The following IL1RAP variants were observed in gnomAD, a reference collection of about 807,000 sequenced individuals.
IL1RAP encodes interleukin-1 receptor accessory protein.
In IL1RAP, 35 loss-of-function variants were observed where a neutral mutation model predicts 60.7. The ratio of observed to expected loss-of-function variants is 0.58; its 90% CI spans 0.44 to 0.76. The LOEUF is 0.76. Among genes scored for constraint, IL1RAP ranks in the 30% least tolerant of loss-of-function variants. IL1RAP has a pLI of 0.00. For synonymous variants in IL1RAP, 268 were observed against 250.9 expected (o/e 1.07, Z -0.64); for missense variants, 572 against 693.9 (o/e 0.82, Z 1.97).
intron 9 of IL1RAP, among the ~76,000 whole-genome samples, chr3:190,634,437 C>A (rs1181450125): frequency 6.6e-6 from 1 of 151,536 alleles, no homozygotes; most frequent in Admixed American, 6.6e-5. Context: ...TAGAGGCACC[C>A]GCCACCATAC....
chr3:190,649,660 C>G lies in IL1RAP; in HGVS notation c.*955C>G. The G allele has an allele frequency of 1.0e-6, 1 of 985,818 alleles. No homozygotes were observed. The highest frequency in any genetic ancestry group is 1.2e-6 in the Non-Finnish European group (1 of 829,908). 61.1% of individuals were successfully genotyped at this position (985,818 alleles called of 1,614,324 possible). A position where few individuals can be genotyped will look rare whatever the true frequency, so the allele number is the denominator to read the frequency against. The stretch of plus-strand genomic sequence containing the variant: ...GAATACTGGGAAAGTGATTTTTTCT[C>G]ACTCGTTTTTGTTGCTCCATTGTAA... On this transcript the variant is annotated 3_prime_UTR_variant, in exon 12 of 12. Transcript: ENST00000447382.
chr3:190,529,274 C>T (rs546424247), intron 1 of IL1RAP, among the ~76,000 whole-genome samples: 45 of 152,220 alleles, frequency 3.0e-4, no homozygotes, highest in Non-Finnish European at 5.0e-4. Context: ...CGCAGTGGCT[C>T]AGCCTGTAAT....
At chr3:190,613,283 G>A (rs1730980222) in intron 5 of IL1RAP, among the ~76,000 whole-genome samples, 1 of 152,162 alleles carries the variant, frequency 6.6e-6, no homozygotes, top group African/African-American at 2.4e-5. Flanking sequence ...GCAGGTTTAG[G>A]GAGTAAGTAA....
chr3:190,521,753 T>C (rs1407925086), intron 1 of IL1RAP, among the ~76,000 whole-genome samples: 4 of 151,734 alleles, frequency 2.6e-5, no homozygotes, highest in East Asian at 1.9e-4. Context: ...ATCTGCCCCA[T>C]CCCCTTCAGG....
chr3:190,626,842 G>T (rs1732324171), intron 7 of IL1RAP, among the ~76,000 whole-genome samples: 1 of 151,860 alleles, frequency 6.6e-6, no homozygotes, highest in Admixed American at 6.6e-5. Context: ...GCTAATTTTT[G>T]TATTTTTAGT....
Position 190,594,282 on chromosome 3 carries a change from A to G in IL1RAP, c.65-9846A>G, listed in dbSNP as rs1046444788. On this transcript the variant is annotated intron_variant, in intron 3 of 11. Transcript: ENST00000447382. ...CCAGACTCCAAGTAATGAGGATATA[A>G]AAAGCTTATTTATCACATAAAATGT... 1.6e-4 allele frequency among the ~76,000 whole-genome samples: 24 copies of G among 152,318 alleles called. No homozygotes were observed. In the South Asian group the frequency reaches 2.5e-3, roughly 16 times the overall value.
At chr3:190,642,780 T>G (rs1733749243) in intron 9 of IL1RAP, among the ~76,000 whole-genome samples, 1 of 152,188 alleles carries the variant, frequency 6.6e-6, no homozygotes, top group Non-Finnish European at 1.5e-5. Flanking sequence ...AGAGACCCTT[T>G]CCGTCTTATT....
chr3:190,650,185 GT>G lies in IL1RAP; in HGVS notation c.*1485del, dbSNP rs953390223. 7.0e-5 allele frequency: 69 copies of G among 984,120 alleles called. No homozygotes were observed. The highest frequency in any genetic ancestry group is 1.0e-3 in the Middle Eastern group (2 of 1,936). 61.0% of individuals were successfully genotyped at this position (984,120 alleles called of 1,614,324 possible). On this transcript the variant is annotated 3_prime_UTR_variant, in exon 12 of 12. Transcript: ENST00000447382. The stretch of plus-strand genomic sequence containing the variant: ...TTTTAAATTATGTTTTTACTGGAAT[GT>G]TTTTGTGTCAGTGTTTTCTGTACAT...
chr3:190,589,688 C>T (rs948146840), intron 3 of IL1RAP, among the ~76,000 whole-genome samples: 3 of 152,094 alleles, frequency 2.0e-5, no homozygotes, highest in Admixed American at 6.5e-5. Context: ...CATCTTGAGG[C>T]GGGGAAGTTA....
chr3:190,609,171 C>G lies in IL1RAP; in HGVS notation c.527C>G (p.Thr176Ser). ...CCTTCCAGTGTCAAACCGACTATCA[C>G]TTGGTATATGGTAAGGAAAATTAGA... ...YFPSSVKPTITWYMGCYKIQN... is the reference protein window; with the variant it reads ...YFPSSVKPTISWYMGCYKIQN... The change falls in exon 5 of 12, where the codon ACT (threonine) becomes AGT (serine). Residue 176 changes from threonine (T) to serine (S), a missense_variant. Physicochemically the swap from Thr to Ser is moderately conservative, Grantham distance 58. Transcript: ENST00000447382. The G allele has an allele frequency of 6.2e-7, 1 of 1,608,100 alleles. No homozygotes were observed. The highest frequency in any genetic ancestry group is 8.5e-7 in the Non-Finnish European group (1 of 1,176,344).
At chr3:190,603,390 G>C (rs1730024874) in intron 3 of IL1RAP, among the ~76,000 whole-genome samples, 1 of 152,160 alleles carries the variant, frequency 6.6e-6, no homozygotes, top group Admixed American at 6.5e-5. Context: ...TTCTGAATGA[G>C]TATTCCACCA....
At chr3:190,634,755 G>A (rs1178643063) in intron 9 of IL1RAP, among the ~76,000 whole-genome samples, 3 of 135,214 alleles carry the variant, frequency 2.2e-5, no homozygotes, top group Non-Finnish European at 3.0e-5. Context: ...TCGCTCTTTC[G>A]CCCAGGCTGG....
At chr3:190,634,707 G>GTTTTTTTTTTGTTTTT (rs1733056790) in intron 9 of IL1RAP, among the ~76,000 whole-genome samples, 1 of 134,702 alleles carries the variant, frequency 7.4e-6, no homozygotes, top group African/African-American at 3.0e-5. Context: ...GGCCTGTTGT[G>GTTTTTTTTTTGTTTTT]TTTTTTTTTT....
At chr3:190,638,683 A>G (rs1305295707) in intron 9 of IL1RAP, among the ~76,000 whole-genome samples, 3 of 152,104 alleles carry the variant, frequency 2.0e-5, no homozygotes. Context: ...TTGCTTACCC[A>G]TAGTCAGGAA....
chr3:190,559,895 G>T (rs1395580288), intron 2 of IL1RAP, among the ~76,000 whole-genome samples: 1 of 152,174 alleles, frequency 6.6e-6, no homozygotes, highest in Non-Finnish European at 1.5e-5. Context: ...TAACTGCAAA[G>T]ACAGGATGAA....
At chr3:190,634,020 C>T (rs1212401170) in intron 9 of IL1RAP, among the ~76,000 whole-genome samples, 1 of 151,970 alleles carries the variant, frequency 6.6e-6, no homozygotes, top group Non-Finnish European at 1.5e-5. Context: ...TTTTCATGAG[C>T]AATTTTTTCA....
intron 3 of IL1RAP, chr3:190,564,607 C>T (rs1025741818): frequency 4.4e-6 from 2 of 452,044 alleles, no homozygotes; most frequent in Admixed American, 3.4e-5. Flanking sequence ...TTTTCATTAC[C>T]TTCACACTCA....
At chr3:190,653,267 T>C (rs750584863), downstream of IL1RAP, among the ~76,000 whole-genome samples, 46 of 152,228 alleles carry the variant, frequency 3.0e-4, no homozygotes, top group Non-Finnish European at 4.4e-5. Context: ...TGAGCAACAG[T>C]AATTTAATCA....
intron 5 of IL1RAP, among the ~76,000 whole-genome samples, chr3:190,614,646 A>T (rs1731106300): frequency 1.3e-5 from 2 of 152,190 alleles, no homozygotes. Flanking sequence ...CAGAACTAGG[A>T]GCTAAGATTC....
Sources: gnomAD v4.1 joint callset for allele counts (sites outside exome capture counted in the v4.1 genomes callset) on GRCh38, gnomAD v4.1.1 for gene constraint, MANE v1.5 for transcripts, NCBI Gene and HGNC (gene_info 2026-07-23, HGNC 2026-07-21) for gene names.